ALDH1A3: variants seen among roughly 807,000 people sequenced by gnomAD.
The protein encoded by ALDH1A3 is retinaldehyde dehydrogenase 3.
A neutral mutation model predicts 57.5 loss-of-function variants in ALDH1A3; 28 were observed. That is an observed-to-expected ratio of 0.49 (90% confidence interval 0.36 to 0.67). The LOEUF is 0.67. Ranked by LOEUF, ALDH1A3 falls within the 30% of genes least tolerant of loss-of-function variation. The pLI, the probability that ALDH1A3 is intolerant of heterozygous loss-of-function variation, is 0.00. For missense variants in ALDH1A3, 507 were observed against 669.4 expected (o/e 0.76, Z 2.68); for synonymous variants, 281 against 264.8 (o/e 1.06, Z -0.59).
rs1050881015 is a variant in ALDH1A3 at position 100,915,004 on chromosome 15, G to A, written c.*231G>A. 6.0e-5 allele frequency: 32 copies of A among 537,786 alleles called. No homozygotes were observed. The highest frequency in any genetic ancestry group is 5.9e-4 in the African/African-American group (31 of 52,760). The allele number at this position is 537,786 out of a possible 1,614,324, so 33.3% of individuals were successfully genotyped here. On this transcript the variant is annotated 3_prime_UTR_variant, in exon 13 of 13. Transcript: ENST00000329841. Reference sequence around the variant, plus strand: ...CGCAGTCCTGCCTGGGGAGGGAGCTGTTGGCCATTTCTGTGTTTCCCTTTA... The same window carrying A: ...CGCAGTCCTGCCTGGGGAGGGAGCTATTGGCCATTTCTGTGTTTCCCTTTA...
In ALDH1A3 at chr15:100,916,547, A is replaced by G. The variant is rs1034149970; in HGVS notation, c.*1774A>G. On this transcript the variant is annotated 3_prime_UTR_variant, in exon 13 of 13. Transcript: ENST00000329841. Reference sequence around the variant, plus strand: ...CCTGTGGTGTGGTTTAAAAATCTATAGGCCTGGGAATTCCGATCCTAGCTG... The same window carrying G: ...CCTGTGGTGTGGTTTAAAAATCTATGGGCCTGGGAATTCCGATCCTAGCTG... 5.3e-5 allele frequency: 8 copies of G among 152,330 alleles called. No homozygotes were observed. Among genetic ancestry groups the G allele is most frequent in the African/African-American group, 1.9e-4 (8 of 41,466 alleles). The allele number at this position is 152,330 out of a possible 1,614,324, so 9.4% of individuals were successfully genotyped here.
chr15:100,908,361 G>C, intron 11 of ALDH1A3, 47 bp from the exon 12 acceptor site: 1 of 1,540,874 alleles, frequency 6.5e-7, no homozygotes, highest in Non-Finnish European at 9.0e-7. Flanking sequence ...CCAGGAGCCA[G>C]GGGGTCTTCT....
Position 100,893,186 on chromosome 15 carries a change from C to G in ALDH1A3, c.537+180C>G. ...TGAGATGGATTAGACCCCATTTCTG[C>G]TCTCCTAAGACCGGCTTTAGGCATG... On this transcript the variant is annotated intron_variant, in intron 5 of 12. Transcript: ENST00000329841. The surrounding 1 kb of genome is among the most constrained non-coding windows in gnomAD (Gnocchi z 4.8). 1.9e-6 allele frequency: 1 copy of G among 538,666 alleles called. No homozygotes were observed. Among genetic ancestry groups the G allele is most frequent in the South Asian group, 3.4e-5 (1 of 29,406 alleles). 33.4% of individuals were successfully genotyped at this position (538,666 alleles called of 1,614,324 possible). A position where few individuals can be genotyped will look rare whatever the true frequency, so the allele number is the denominator to read the frequency against.
Position 100,894,283 on chromosome 15 carries a change from G to C in ALDH1A3, c.666+201G>C. 1.7e-6 allele frequency: 1 copy of C among 605,148 alleles called. No homozygotes were observed. The highest frequency in any genetic ancestry group is 2.8e-6 in the Non-Finnish European group (1 of 352,384). 37.5% of individuals were successfully genotyped at this position (605,148 alleles called of 1,614,324 possible). A position where few individuals can be genotyped will look rare whatever the true frequency, so the allele number is the denominator to read the frequency against. The stretch of plus-strand genomic sequence containing the variant: ...AGCTGGAGAAACTCCATTCCTCCCA[G>C]TGGTCCTAATGAGAATGCTTAACTC... On this transcript the variant is annotated intron_variant, in intron 6 of 12. Transcript: ENST00000329841. The surrounding 1 kb of genome is among the most constrained non-coding windows in gnomAD (Gnocchi z 4.5).
intron 8 of ALDH1A3, among the ~76,000 whole-genome samples, chr15:100,899,245 A>G (rs1450078623): frequency 6.6e-6 from 1 of 152,196 alleles, no homozygotes; most frequent in Non-Finnish European, 1.5e-5. Context: ...CATTAGTGCT[A>G]TGAATAGCAA....
At chr15:100,885,441 G>C in intron 2 of ALDH1A3, 70 bp downstream of exon 2, 2 of 1,223,516 alleles carry the variant, frequency 1.6e-6, no homozygotes, top group South Asian at 2.5e-5. Flanking sequence ...GAAACGGTTC[G>C]GCTTAGCTAT....
At chr15:100,892,725 C>T in intron 4 of ALDH1A3, 86 bp downstream of exon 4, 1 of 1,515,774 alleles carries the variant, frequency 6.6e-7, no homozygotes, top group Non-Finnish European at 8.8e-7. Flanking sequence ...GACTGTTTCC[C>T]TAAGGCACCA....
Position 100,914,802 on chromosome 15 carries a change from T to TCGGA in ALDH1A3, c.*33_*36dup, listed in dbSNP as rs2041914462. The TCGGA allele has an allele frequency of 6.2e-7, 1 of 1,608,420 alleles. No individual in the cohort carries two copies. ...AAAGGCGGGGCTCCTTCCTCAAACA[T>TCGGA]CGGACGGCGGAATGTGGCAGATGAA... On this transcript the variant is annotated 3_prime_UTR_variant, in exon 13 of 13. Coordinates refer to ENST00000329841, the MANE Select transcript of ALDH1A3 (RefSeq NM_000693.4).
chr15:100,892,970 G>A lies in ALDH1A3; in HGVS notation c.501G>A (p.Arg167=). 6.2e-7 allele frequency: 1 copy of A among 1,614,026 alleles called. No individual in the cohort carries two copies. Among genetic ancestry groups the A allele is most frequent in the Non-Finnish European group, 8.5e-7 (1 of 1,179,976 alleles). The change falls in exon 5 of 13, where the codon AGG becomes AGA. Residue 167 remains arginine (R), a synonymous_variant. Coordinates refer to ENST00000329841, the MANE Select transcript of ALDH1A3 (RefSeq NM_000693.4). ...ATGACAACGTCGTGTGCTTCACCAG[G>A]CATGAGCCCATTGGTGTCTGTGGGG... The part of the protein sequence containing the change: ...PTDDNVVCFT[R]HEPIGVCGAI...
rs957661399 is a variant in ALDH1A3, at chr15:100,889,807, C to T, written c.345+2095C>T. 1.1e-4 allele frequency among the ~76,000 whole-genome samples: 17 copies of T among 152,244 alleles called. No individual in the cohort carries two copies. Among genetic ancestry groups the T allele is most frequent in the African/African-American group, 4.1e-4 (17 of 41,460 alleles). Reference sequence around the variant, plus strand: ...AATCACTTCTGCCACTGGCACCTCGCAGCCCACGAGAAATAAGATCCAGCT... The same window carrying T: ...AATCACTTCTGCCACTGGCACCTCGTAGCCCACGAGAAATAAGATCCAGCT... On this transcript the variant is annotated intron_variant, in intron 3 of 12. Transcript: ENST00000329841. This position sits in a 1 kb window ranked among gnomAD's most constrained non-coding sequence, Gnocchi z 5.1.
chr15:100,895,610 C>T, intron 6 of ALDH1A3: 1 of 366,712 alleles, frequency 2.7e-6, no homozygotes, highest in Admixed American at 3.7e-5. Flanking sequence ...TGGAAAGGTG[C>T]TGTGCTACAG....
Position 100,887,112 on chromosome 15 carries a change from T to C in ALDH1A3, c.205-460T>C, listed in dbSNP as rs1231020977. Among the ~76,000 whole-genome samples, 1 of 152,208 alleles carries C rather than the reference T, an allele frequency of 6.6e-6. No individual in the cohort carries two copies. The highest frequency in any genetic ancestry group is 6.5e-5 in the Admixed American group (1 of 15,290). The stretch of plus-strand genomic sequence containing the variant: ...CATTGGTATTTGGCCACTGTAGAAA[T>C]ATTAAGATGTAAAGAAGAAAAAAAA... On this transcript the variant is annotated intron_variant, in intron 2 of 12. Coordinates refer to ENST00000329841, the MANE Select transcript of ALDH1A3 (RefSeq NM_000693.4). This position sits in a 1 kb window ranked among gnomAD's most constrained non-coding sequence, Gnocchi z 4.6.
At chr15:100,880,051 C>A in intron 1 of ALDH1A3, 45 bp downstream of exon 1, 2 of 1,354,496 alleles carry the variant, frequency 1.5e-6, no homozygotes, top group Non-Finnish European at 1.9e-6. Flanking sequence ...GGCCCCTGCG[C>A]TGGGCAGCCA....
In ALDH1A3 at chr15:100,887,665, C is replaced by A; in HGVS notation, c.298C>A (p.Leu100Met). ...GGATGCCCTGAGTCGTGGGCGGCTG[C>A]TGCACCAGCTGGCTGACCTGGTGGA... ...RLDALSRGRLLHQLADLVERD... is the reference protein window; with the variant it reads ...RLDALSRGRLMHQLADLVERD... Residue 100 changes from leucine to methionine, a missense_variant, in exon 3 of 13, where the codon CTG becomes ATG. Physicochemically the swap from Leu to Met is conservative, Grantham distance 15 (BLOSUM62 2). Around this residue, in one of 2 missense-constraint regions of ALDH1A3, gnomAD observed 432 missense variants for 608.4 expected, o/e 0.71. Transcript: ENST00000329841. The surrounding 1 kb of genome is among the most constrained non-coding windows in gnomAD (Gnocchi z 4.6). 1 of 1,610,944 alleles carries A rather than the reference C, an allele frequency of 6.2e-7. No individual in the cohort carries two copies. The highest frequency in any genetic ancestry group is 8.5e-7 in the Non-Finnish European group (1 of 1,178,544).
At chr15:100,903,962 G>A (rs2041796663) in intron 9 of ALDH1A3, among the ~76,000 whole-genome samples, 1 of 152,008 alleles carries the variant, frequency 6.6e-6, no homozygotes, top group African/African-American at 2.4e-5. Flanking sequence ...TCTTTGTTAT[G>A]ATAATTTTGC....
At chr15:100,896,651 C>T (rs1022671245) in intron 7 of ALDH1A3, among the ~76,000 whole-genome samples, 1 of 152,148 alleles carries the variant, frequency 6.6e-6, no homozygotes, top group Admixed American at 6.5e-5. Context: ...TGGTAGCACT[C>T]ATCCAACATT....
chr15:100,910,500 T>C (rs1032812044), intron 12 of ALDH1A3, among the ~76,000 whole-genome samples: 4 of 152,232 alleles, frequency 2.6e-5, no homozygotes, highest in African/African-American at 9.6e-5. Context: ...TTGAGCTCTC[T>C]ATGCCTGTTC....
Position 100,893,753 on chromosome 15 carries a change from G to A in ALDH1A3, c.538-201G>A, listed in dbSNP as rs1441360333. On this transcript the variant is annotated intron_variant, in intron 5 of 12. Coordinates refer to ENST00000329841, the MANE Select transcript of ALDH1A3 (RefSeq NM_000693.4). This position sits in a 1 kb window ranked among gnomAD's most constrained non-coding sequence, Gnocchi z 4.8. ...CAACAGCATCCTCTTTGCAAAGGCT[G>A]CCTATTAGTACCACCCAGAATGCAG... The A allele has an allele frequency of 3.5e-6, 2 of 575,994 alleles. No homozygotes were observed. The highest frequency in any genetic ancestry group is 2.9e-5 in the East Asian group (1 of 34,560). 35.7% of individuals were successfully genotyped at this position (575,994 alleles called of 1,614,324 possible).
rs192263054 is a variant in ALDH1A3, at chr15:100,894,607, C to T, written c.666+525C>T. The T allele has an allele frequency of 1.8e-3, 279 of 155,268 alleles. 2 individuals are homozygous for T. The highest frequency in any genetic ancestry group is 2.3e-3 in the Non-Finnish European group (162 of 69,738). The allele number at this position is 155,268 out of a possible 1,614,324, so 9.6% of individuals were successfully genotyped here. A position where few individuals can be genotyped will look rare whatever the true frequency, so the allele number is the denominator to read the frequency against. ...GCTCAATGGGACACCTCCTTCCAGA[C>T]ATACCTTTAGTCATTCCATCCCCAG... On this transcript the variant is annotated intron_variant, in intron 6 of 12. Transcript: ENST00000329841. The surrounding 1 kb of genome is among the most constrained non-coding windows in gnomAD (Gnocchi z 4.5).
Sources: allele counts gnomAD v4.1 joint callset (sites outside exome capture counted in the v4.1 genomes callset), GRCh38; gene constraint gnomAD v4.1.1; regional missense constraint gnomAD v4.1.1; non-coding constraint Gnocchi (gnomAD v3.1); transcripts MANE v1.5; gene names NCBI Gene and HGNC (gene_info 2026-07-23, HGNC 2026-07-21).